The following BICC1 variants were observed in gnomAD, a reference collection of about 807,000 sequenced individuals.
The protein encoded by BICC1 is protein bicaudal C homolog 1.
BICC1 carries 43 observed loss-of-function variants against 111.0 expected under a neutral mutation model. The observed-to-expected ratio is 0.39, with a 90% CI of 0.30 to 0.50. The LOEUF (loss-of-function observed/expected upper bound fraction) is 0.50. BICC1 is among the 20% of genes least tolerant of loss of function. The probability of loss-of-function intolerance (pLI) is 0.88; values close to 1 mark genes in which losing one functional copy is unlikely to be tolerated. For synonymous variants in BICC1, 467 were observed against 434.4 expected, an observed-to-expected ratio of 1.07 and a Z score of -0.93; for missense variants, 1,091 against 1,203.2, an observed-to-expected ratio of 0.91 and a Z score of 1.38.
intron 1 of BICC1, among the ~76,000 whole-genome samples, chr10:58,526,166 G>A (rs1842536505): frequency 6.6e-6 from 1 of 151,642 alleles, no homozygotes; most frequent in Non-Finnish European, 1.5e-5. Flanking sequence ...AACAACTCAT[G>A]ACATACAGAT....
chr10:58,725,487 C>T (rs1025625188), intron 3 of BICC1, among the ~76,000 whole-genome samples: 1 of 152,126 alleles, frequency 6.6e-6, no homozygotes. Flanking sequence ...TGAAGTTGTC[C>T]TGTCCTTCAC....
intron 1 of BICC1, among the ~76,000 whole-genome samples, chr10:58,513,626 T>G (rs547568860): frequency 6.6e-6 from 1 of 152,226 alleles, no homozygotes; most frequent in African/African-American, 2.4e-5. Flanking sequence ...TTCTGGACTT[T>G]GGAGATGCCA....
chr10:58,785,008 T>G lies in BICC1; in HGVS notation c.315T>G (p.His105Gln). ...KIGAKSKKDP[H>Q]IKVSGKKEDV... Reference sequence around the variant, plus strand: ...TTTATTTCTTTCTTATAGATCCCCATATTAAGGTTTCTGGAAAGAAAGAAG... The same window carrying G: ...TTTATTTCTTTCTTATAGATCCCCAGATTAAGGTTTCTGGAAAGAAAGAAG... The change falls in exon 4 of 21, where the codon CAT becomes CAG. Residue 105 changes from histidine (H) to glutamine (Q), a missense_variant. Around this residue, in one of 3 missense-constraint regions of BICC1, gnomAD observed 843 missense variants for 900.8 expected, o/e 0.94. Transcript: ENST00000373886. 2.5e-6 allele frequency: 4 copies of G among 1,571,324 alleles called. No homozygotes were observed. Among genetic ancestry groups the G allele is most frequent in the Non-Finnish European group, 3.5e-6 (4 of 1,147,392 alleles).
At chr10:58,688,734 C>T (rs995855237) in intron 2 of BICC1, among the ~76,000 whole-genome samples, 7 of 152,020 alleles carry the variant, frequency 4.6e-5, no homozygotes, top group African/African-American at 7.3e-5. Flanking sequence ...TTTGCAGGGA[C>T]GTGGATGAAG....
chr10:58,515,974 G>T (rs1187430778), intron 1 of BICC1, among the ~76,000 whole-genome samples: 1 of 152,100 alleles, frequency 6.6e-6, no homozygotes, highest in Non-Finnish European at 1.5e-5. Flanking sequence ...AATTTTGCAG[G>T]TTCATAATTG....
At chr10:58,606,273 A>G (rs937485775) in intron 1 of BICC1, among the ~76,000 whole-genome samples, 1 of 152,146 alleles carries the variant, frequency 6.6e-6, no homozygotes, top group South Asian at 2.1e-4. Context: ...TACAACCCCT[A>G]CTAATATATG....
intron 2 of BICC1, among the ~76,000 whole-genome samples, chr10:58,673,162 T>C (rs1421779104): frequency 6.6e-6 from 1 of 152,206 alleles, no homozygotes; most frequent in Non-Finnish European, 1.5e-5. Flanking sequence ...ATAAATTCTT[T>C]GAATATTACT....
chr10:58,656,398 A>G (rs1394019011), intron 2 of BICC1, among the ~76,000 whole-genome samples: 2 of 151,056 alleles, frequency 1.3e-5, no homozygotes, highest in African/African-American at 2.4e-5. Context: ...CACAACCAAA[A>G]AAGAGATTTT....
At chr10:58,679,734 T>G (rs551817994) in intron 2 of BICC1, among the ~76,000 whole-genome samples, 1 of 151,666 alleles carries the variant, frequency 6.6e-6, no homozygotes, top group East Asian at 1.9e-4. Flanking sequence ...AGACAATAAA[T>G]AAAGAAAATT....
intron 3 of BICC1, among the ~76,000 whole-genome samples, chr10:58,722,339 G>A (rs1265768550): frequency 2.0e-5 from 3 of 152,152 alleles, no homozygotes; most frequent in African/African-American, 4.8e-5. Context: ...TTCTAGCGGA[G>A]AAGGAATAGT....
intron 2 of BICC1, among the ~76,000 whole-genome samples, chr10:58,675,877 G>C (rs767280587): frequency 1.4e-4 from 22 of 152,256 alleles, no homozygotes; most frequent in Non-Finnish European, 2.5e-4. Context: ...CTGGTCTGCA[G>C]CTCCCAGAGA....
intron 2 of BICC1, among the ~76,000 whole-genome samples, chr10:58,642,397 G>A (rs1838150483): frequency 6.6e-6 from 1 of 152,138 alleles, no homozygotes; most frequent in Non-Finnish European, 1.5e-5. Flanking sequence ...CCAGGGTGTG[G>A]AAGAGTGACT....
At chr10:58,705,149 G>C (rs972727350) in intron 3 of BICC1, among the ~76,000 whole-genome samples, 1 of 152,190 alleles carries the variant, frequency 6.6e-6, no homozygotes, top group African/African-American at 2.4e-5. Context: ...TGTTGGCTTA[G>C]TAGTTCTGAG....
At chr10:58,537,704 T>G (rs1258719600) in intron 1 of BICC1, among the ~76,000 whole-genome samples, 1 of 151,690 alleles carries the variant, frequency 6.6e-6, no homozygotes, top group East Asian at 1.9e-4. Flanking sequence ...GTCTATTTGC[T>G]GATGATGTGA....
intron 3 of BICC1, among the ~76,000 whole-genome samples, chr10:58,739,124 G>A (rs1841571035): frequency 1.3e-5 from 2 of 152,126 alleles, no homozygotes; most frequent in Non-Finnish European, 2.9e-5. Context: ...ACACTATGTT[G>A]AATGGGAGTG....
At chr10:58,765,829 CT>C (rs1392091723) in intron 3 of BICC1, among the ~76,000 whole-genome samples, 1 of 152,122 alleles carries the variant, frequency 6.6e-6, no homozygotes. Context: ...CATTTTTCCT[CT>C]TAAAGTCACT....
chr10:58,518,596 G>T (rs535423562), intron 1 of BICC1, among the ~76,000 whole-genome samples: 9 of 139,276 alleles, frequency 6.5e-5, no homozygotes, highest in South Asian at 5.1e-4. Context: ...GTGTTGGGGG[G>T]GGGGGGGTGT....
intron 3 of BICC1, among the ~76,000 whole-genome samples, chr10:58,769,402 G>GTATATATATATATAATATA (rs879547814): frequency 8.9e-6 from 1 of 112,230 alleles, no homozygotes. Context: ...GTGTGTGTGT[G>GTATATATATATATAATATA]TGTATATATA....
At chr10:58,561,491 TA>T (rs1420520613) in intron 1 of BICC1, among the ~76,000 whole-genome samples, 1 of 152,030 alleles carries the variant, frequency 6.6e-6, no homozygotes, top group African/African-American at 2.4e-5. Context: ...TTTCTTTTTT[TA>T]AAAAAATCTA....
Sources: allele counts gnomAD v4.1 joint callset (sites outside exome capture counted in the v4.1 genomes callset), GRCh38; gene constraint gnomAD v4.1.1; regional missense constraint gnomAD v4.1.1; transcripts MANE v1.5; gene names NCBI Gene and HGNC (gene_info 2026-07-23, HGNC 2026-07-21).